The following ZNF473 variants were observed in gnomAD, a reference collection of about 807,000 sequenced individuals.
The protein encoded by ZNF473 is zinc finger protein 473.
In ZNF473, 4 loss-of-function variants were observed where a neutral mutation model predicts 11.1. The ratio of observed to expected loss-of-function variants is 0.36; its 90% CI spans 0.18 to 0.82. The LOEUF (loss-of-function observed/expected upper bound fraction) is 0.82, where lower values mean the gene tolerates loss of function less well. Among genes scored for constraint, ZNF473 ranks in the 40% least tolerant of loss-of-function variants. The probability of loss-of-function intolerance (pLI) is 0.49; values close to 1 mark genes in which losing one functional copy is unlikely to be tolerated. For synonymous variants in ZNF473, 404 were observed against 390.4 expected (o/e 1.03, Z -0.41); for missense variants, 854 against 1,084.0 (o/e 0.79, Z 2.98).
intron 4 of ZNF473, 141 bp from the exon 5 acceptor site, chr19:50,044,529 T>A: frequency 1.5e-6 from 1 of 665,988 alleles, no homozygotes; most frequent in Non-Finnish European, 2.6e-6. Flanking sequence ...CTCTGTCTGT[T>A]TTCTGTGATG....
chr19:50,026,290 T>TGAC (rs1271867481), intron 1 of ZNF473, 168 bp downstream of exon 1: 1 of 152,342 alleles, frequency 6.6e-6, no homozygotes, highest in Non-Finnish European at 1.5e-5. Context: ...GCTCAAGGTC[T>TGAC]GGGCACGGTA....
chr19:50,046,559 G>C lies in ZNF473; in HGVS notation c.2116G>C (p.Glu706Gln). Residue 706 changes from glutamate to glutamine, a missense_variant, in exon 5 of 5, where the codon GAA becomes CAA. Physicochemically the swap from Glu to Gln is conservative, Grantham distance 29. Around this residue, in one of 2 missense-constraint regions of ZNF473, gnomAD observed 186 missense variants for 293.8 expected, o/e 0.63. Coordinates refer to ENST00000270617, the MANE Select transcript of ZNF473 (RefSeq NM_015428.4). The surrounding 1 kb of genome is among the most constrained non-coding windows in gnomAD (Gnocchi z 5.9). ...CAGAAAGAAGCCGTTGGTGTGTAAC[G>C]AATGCGGGAAAACGTTCCGTCAGAG... is the stretch of plus-strand genomic sequence containing the variant. ...HARKKPLVCNECGKTFRQSSC... is the reference protein window; with the variant it reads ...HARKKPLVCNQCGKTFRQSSC... 1.2e-6 allele frequency: 2 copies of C among 1,614,216 alleles called. No homozygotes were observed. Among genetic ancestry groups the C allele is most frequent in the South Asian group, 2.2e-5 (2 of 91,078 alleles).
intron 1 of ZNF473, among the ~76,000 whole-genome samples, chr19:50,030,550 T>A (rs180775970): frequency 6.6e-6 from 1 of 152,266 alleles, no homozygotes; most frequent in East Asian, 1.9e-4. Context: ...TTACCTGAAC[T>A]CAAATTCCAG....
Position 50,047,906 on chromosome 19 carries a change from G to A in ZNF473, c.*847G>A, listed in dbSNP as rs1979231280. On this transcript the variant is annotated 3_prime_UTR_variant, in exon 5 of 5. Coordinates refer to ENST00000270617, the MANE Select transcript of ZNF473 (RefSeq NM_015428.4). ...CATCAGGAAAGCTGCATTGATCAGG[G>A]TGTTAACCGCATATGAAACAACCCA... 6.6e-6 allele frequency: 1 copy of A among 152,208 alleles called. No homozygotes were observed. Among genetic ancestry groups the A allele is most frequent in the Non-Finnish European group, 1.5e-5 (1 of 68,040 alleles). The allele number at this position is 152,208 out of a possible 1,614,324, so 9.4% of individuals were successfully genotyped here.
Position 50,039,271 on chromosome 19 carries a change from G to C in ZNF473, c.120G>C (p.Gln40His). The stretch of plus-strand genomic sequence containing the variant: ...GGGACACAGCGTTGGACAATTGCCA[G>C]GACCTCTTCCTGCTGGGTGAGTGTT... The part of the protein sequence containing the change: ...TFWDTALDNC[Q>H]DLFLLDPPRP... Residue 40 changes from glutamine to histidine, a missense_variant, in exon 3 of 5, where the codon CAG (glutamine) becomes CAC (histidine). Around this residue, in one of 2 missense-constraint regions of ZNF473, gnomAD observed 668 missense variants for 790.2 expected, o/e 0.85. Coordinates refer to ENST00000270617, the MANE Select transcript of ZNF473 (RefSeq NM_015428.4). The surrounding 1 kb of genome is among the most constrained non-coding windows in gnomAD (Gnocchi z 4.8). The C allele has an allele frequency of 6.2e-7, 1 of 1,614,084 alleles. No homozygotes were observed. Among genetic ancestry groups the C allele is most frequent in the South Asian group, 1.1e-5 (1 of 91,080 alleles).
chr19:50,039,059 G>C lies in ZNF473; in HGVS notation c.10-102G>C. 6.8e-7 allele frequency: 1 copy of C among 1,475,138 alleles called. No homozygotes were observed. The highest frequency in any genetic ancestry group is 9.3e-7 in the Non-Finnish European group (1 of 1,078,960). The allele number at this position is 1,475,138 out of a possible 1,614,324, so 91.4% of individuals were successfully genotyped here. A position where few individuals can be genotyped will look rare whatever the true frequency, so the allele number is the denominator to read the frequency against. On this transcript the variant is annotated intron_variant, in intron 2 of 4. Transcript: ENST00000270617. The surrounding 1 kb of genome is among the most constrained non-coding windows in gnomAD (Gnocchi z 4.8). ...TGAGGCTGAGGATGGGATGGTTTTTGCCAAAGCCCTGGCAGATTGAGGGCT... is the reference window on the plus strand; with the variant it reads ...TGAGGCTGAGGATGGGATGGTTTTTCCCAAAGCCCTGGCAGATTGAGGGCT...
At position 50,046,390 on chromosome 19, in the gene ZNF473, C is replaced by A; in HGVS notation, c.1947C>A (p.Asn649Lys). Residue 649 changes from asparagine to lysine, a missense_variant, in exon 5 of 5, where the codon AAC (asparagine) becomes AAA (lysine). By Grantham distance (94) the Asn-to-Lys change is moderately conservative. Transcript: ENST00000270617. This position sits in a 1 kb window ranked among gnomAD's most constrained non-coding sequence, Gnocchi z 5.9. ...CAAAGGAGCACCCTTTTAAATGTAA[C>A]GAATGCGGAAAGACCTTCAGCCACA... is the stretch of plus-strand genomic sequence containing the variant. ...FHTKEHPFKC[N>K]ECGKTFSHSA... The A allele has an allele frequency of 6.2e-7, 1 of 1,614,196 alleles. No homozygotes were observed. The highest frequency in any genetic ancestry group is 2.2e-5 in the East Asian group (1 of 44,890).
chr19:50,045,342 C>G lies in ZNF473; in HGVS notation c.899C>G (p.Pro300Arg), dbSNP rs569360304. 161 of 1,614,142 alleles carry G rather than the reference C, an allele frequency of 1.0e-4. 2 individuals carry two copies. The South Asian group carries it at 1.6e-3, about 16-fold the overall frequency. ...KPCKSQDSDH[P>R]PSHDTQPGEH... ...TGTAAGAGTCAAGATAGTGACCACC[C>G]ACCCAGTCATGACACACAGCCTGGT... The change falls in exon 5 of 5, where the codon CCA becomes CGA. Residue 300 changes from proline (P) to arginine (R), a missense_variant. Coordinates refer to ENST00000270617, the MANE Select transcript of ZNF473 (RefSeq NM_015428.4).
rs1390635297 is a variant in ZNF473 at position 50,039,008 on chromosome 19, C to T, written c.10-153C>T. Among the ~76,000 whole-genome samples, 1 of 152,158 alleles carries T rather than the reference C, an allele frequency of 6.6e-6. No individual in the cohort carries two copies. Among genetic ancestry groups the T allele is most frequent in the Non-Finnish European group, 1.5e-5 (1 of 68,036 alleles). On this transcript the variant is annotated intron_variant, in intron 2 of 4. Transcript: ENST00000270617. This position sits in a 1 kb window ranked among gnomAD's most constrained non-coding sequence, Gnocchi z 4.8. ...TTTGCCTACAAAATACAGGGGTTTC[C>T]AGTCTCTTACATCTCAAGATTCTTG... is the stretch of plus-strand genomic sequence containing the variant.
At position 50,044,951 on chromosome 19, in the gene ZNF473, G is replaced by A; in HGVS notation, c.508G>A (p.Val170Met). The part of the protein sequence containing the change: ...STVSTGEDSM[V>M]HNVSEKTLTP... ...CGTTTCCACGGGAGAAGATTCCATGGTGCATAATGTTTCTGAAAAGACCCT... is the reference window on the plus strand; with the variant it reads ...CGTTTCCACGGGAGAAGATTCCATGATGCATAATGTTTCTGAAAAGACCCT... Residue 170 changes from valine (V) to methionine (M), a missense_variant, in exon 5 of 5, where the codon GTG becomes ATG. Val to Met is a conservative substitution (Grantham distance 21). Around this residue, in one of 2 missense-constraint regions of ZNF473, gnomAD observed 668 missense variants for 790.2 expected, o/e 0.85. Transcript: ENST00000270617. The A allele has an allele frequency of 6.2e-7, 1 of 1,614,204 alleles. No homozygotes were observed. The highest frequency in any genetic ancestry group is 8.5e-7 in the Non-Finnish European group (1 of 1,180,042).
intron 2 of ZNF473, among the ~76,000 whole-genome samples, chr19:50,035,848 C>A (rs1978401865): frequency 6.6e-6 from 1 of 152,174 alleles, no homozygotes; most frequent in African/African-American, 2.4e-5. Context: ...ACCTGTCTGA[C>A]TCTAAAGCTG....
chr19:50,028,158 C>T (rs997119898), intron 1 of ZNF473, among the ~76,000 whole-genome samples: 5 of 151,878 alleles, frequency 3.3e-5, no homozygotes, highest in African/African-American at 4.8e-5. Flanking sequence ...ATTCTCCGGG[C>T]GTGGTGGCAG....
intron 1 of ZNF473, among the ~76,000 whole-genome samples, chr19:50,028,982 A>G (rs1316836603): frequency 6.6e-6 from 1 of 152,162 alleles, no homozygotes; most frequent in African/African-American, 2.4e-5. Flanking sequence ...TTTTTTTCAT[A>G]AATTTAGTGT....
In ZNF473 at chr19:50,044,817, T is replaced by G. The variant is rs1978974127; in HGVS notation, c.374T>G (p.Leu125Trp). The change falls in exon 5 of 5, where the codon TTG becomes TGG. Residue 125 changes from leucine (L) to tryptophan (W), a missense_variant. By Grantham distance (61) the Leu-to-Trp change is moderately conservative. Transcript: ENST00000270617. ...ACIEDTWLDS[L>W]LGDPESLLRS... ...ATAGAGGACACCTGGTTAGATAGTT[T>G]GCTAGGCGATCCAGAAAGTCTTCTG... The G allele has an allele frequency of 6.2e-7, 1 of 1,614,136 alleles. No individual in the cohort carries two copies. Among genetic ancestry groups the G allele is most frequent in the South Asian group, 1.1e-5 (1 of 91,094 alleles).
rs1464879102 is a variant in ZNF473 at position 50,046,601 on chromosome 19, CA to C, written c.2159del (p.His720LeufsTer22). ...TFRQSSCLSK[H>X]QRIHSGEKPY... ...CCGTCAGAGCTCATGCCTTTCTAAG[CA>C]TCAGAGAATTCACTCAGGTGAGAAG... On this transcript the variant is annotated frameshift_variant, in exon 5 of 5. Transcript: ENST00000270617. LOFTEE classifies it low-confidence loss of function (END_TRUNC). The surrounding 1 kb of genome is among the most constrained non-coding windows in gnomAD (Gnocchi z 5.9). 1 of 1,614,246 alleles carries C rather than the reference CA, an allele frequency of 6.2e-7. No individual in the cohort carries two copies. The highest frequency in any genetic ancestry group is 1.1e-5 in the South Asian group (1 of 91,088).
In ZNF473 at chr19:50,047,830, A is replaced by C. The variant is rs529724304; in HGVS notation, c.*771A>C. The C allele has an allele frequency of 6.6e-6, 1 of 152,224 alleles. No homozygotes were observed. The highest frequency in any genetic ancestry group is 2.1e-4 in the South Asian group (1 of 4,830). The allele number at this position is 152,224 out of a possible 1,614,324, so 9.4% of individuals were successfully genotyped here. On this transcript the variant is annotated 3_prime_UTR_variant, in exon 5 of 5. Coordinates refer to ENST00000270617, the MANE Select transcript of ZNF473 (RefSeq NM_015428.4). ...TCCATTTAACAGTGTTGGTTATGCA[A>C]TAAGACACCCAATTTTTCATGGGAG...
intron 2 of ZNF473, among the ~76,000 whole-genome samples, chr19:50,032,749 G>A (rs942438253): frequency 6.6e-6 from 1 of 152,174 alleles, no homozygotes; most frequent in African/African-American, 2.4e-5. Flanking sequence ...GGTGTTGGCA[G>A]GGCTGGATCC....
At chr19:50,042,041 C>T (rs1324892490) in intron 4 of ZNF473, 2 of 401,882 alleles carry the variant, frequency 5.0e-6, no homozygotes, top group African/African-American at 2.1e-5. Flanking sequence ...TGCCCTTCAG[C>T]ACAGGGTTAT....
At chr19:50,033,072 A>G (rs1202845468) in intron 2 of ZNF473, among the ~76,000 whole-genome samples, 5 of 152,302 alleles carry the variant, frequency 3.3e-5, no homozygotes, top group East Asian at 3.9e-4. Context: ...ACTTCATTGT[A>G]TCTTTTTAGA....
Sources: gnomAD v4.1 joint callset for allele counts (sites outside exome capture counted in the v4.1 genomes callset) on GRCh38, gnomAD v4.1.1 for gene constraint, gnomAD v4.1.1 regional missense constraint, Gnocchi (gnomAD v3.1) non-coding constraint, MANE v1.5 for transcripts, NCBI Gene and HGNC (gene_info 2026-07-23, HGNC 2026-07-21) for gene names.